Variants in RBFOX1 observed in about 807,000 individuals in gnomAD.
RBFOX1 encodes the protein RNA binding fox-1 homolog 1, also known as RNA binding protein fox-1 homolog 1.
Under a neutral mutation model 57.7 loss-of-function variants are expected in RBFOX1, and 8 were observed. That is an observed-to-expected ratio of 0.14 (90% CI 0.08 to 0.25). The LOEUF (loss-of-function observed/expected upper bound fraction) is 0.25. Ranked by LOEUF, RBFOX1 falls within the 10% of genes least tolerant of loss-of-function variation. The pLI is 1.00. For missense variants in RBFOX1, 611 were observed against 548.5 expected (o/e 1.11, Z -1.14); for synonymous variants, 326 against 222.4 (o/e 1.47, Z -4.15).
At chr16:7,325,494 G>C (rs529609504) in intron 4 of RBFOX1, among the ~76,000 whole-genome samples, 1 of 152,314 alleles carries the variant, frequency 6.6e-6, no homozygotes. Flanking sequence ...CATATGCTTA[G>C]TACATACTTG....
intron 1 of RBFOX1, among the ~76,000 whole-genome samples, chr16:6,183,454 T>C (rs1485458020): frequency 6.6e-6 from 1 of 151,076 alleles, no homozygotes. Flanking sequence ...TGCTCCAGTC[T>C]GGGTGACAGA....
At chr16:5,463,922 G>T (rs913274563) in intron 1 of RBFOX1, among the ~76,000 whole-genome samples, 1 of 152,206 alleles carries the variant, frequency 6.6e-6, no homozygotes, top group African/African-American at 2.4e-5. Context: ...GCCAAATTGT[G>T]TTCAGCAGAA....
At chr16:6,649,728 A>G (rs1387743871) in intron 2 of RBFOX1, among the ~76,000 whole-genome samples, 1 of 152,166 alleles carries the variant, frequency 6.6e-6, no homozygotes, top group African/African-American at 2.4e-5. Flanking sequence ...GTATTCCATT[A>G]TATATGTTGG....
rs773463169 is a variant in RBFOX1, at chr16:5,858,425, A to T, written c.319-8878A>T. On this transcript the variant is annotated intron_variant, in intron 3 of 19. Coordinates refer to the RBFOX1 transcript ENST00000641259. ...ACTGTGACTGCTTTAACCTTCCTTAATAGACCAACTTCAAGGGCAAACCAA... is the reference window on the plus strand; with the variant it reads ...ACTGTGACTGCTTTAACCTTCCTTATTAGACCAACTTCAAGGGCAAACCAA... 5.9e-5 allele frequency among the ~76,000 whole-genome samples: 9 copies of T among 152,246 alleles called. No individual in the cohort carries two copies. The South Asian group carries it at 8.3e-4, about 14-fold the overall frequency.
chr16:7,094,938 G>A (rs2061459989), intron 4 of RBFOX1, among the ~76,000 whole-genome samples: 1 of 151,954 alleles, frequency 6.6e-6, no homozygotes, highest in Non-Finnish European at 1.5e-5. Flanking sequence ...AACAAATATT[G>A]TATCTGTAAA....
chr16:7,485,439 T>G (rs979372486), intron 4 of RBFOX1, among the ~76,000 whole-genome samples: 1 of 152,156 alleles, frequency 6.6e-6, no homozygotes, highest in Admixed American at 6.5e-5. Context: ...GCTCAATAGG[T>G]TTTCCTTGAA....
At chr16:7,456,287 A>T (rs572427179) in intron 4 of RBFOX1, among the ~76,000 whole-genome samples, 1 of 152,306 alleles carries the variant, frequency 6.6e-6, no homozygotes, top group Non-Finnish European at 1.5e-5. Flanking sequence ...ATACAAATAC[A>T]GAAGGTACCT....
At chr16:6,707,879 G>C (rs1199858614) in intron 3 of RBFOX1, among the ~76,000 whole-genome samples, 1 of 152,172 alleles carries the variant, frequency 6.6e-6, no homozygotes, top group African/African-American at 2.4e-5. Context: ...TGTAACTCTT[G>C]GATGTGCTCC....
intron 2 of RBFOX1, among the ~76,000 whole-genome samples, chr16:6,622,815 T>G (rs141427164): frequency 2.0e-5 from 3 of 152,230 alleles, no homozygotes; most frequent in Non-Finnish European, 4.4e-5. Context: ...TGAGAACTCA[T>G]AACACATTGC....
intron 1 of RBFOX1, among the ~76,000 whole-genome samples, chr16:5,417,147 A>C (rs1302837292): frequency 6.6e-6 from 1 of 152,238 alleles, no homozygotes; most frequent in Non-Finnish European, 1.5e-5. Context: ...ATGCCACCTG[A>C]CATTAAGCAG....
chr16:6,192,784 A>G (rs1291094302), intron 1 of RBFOX1, among the ~76,000 whole-genome samples: 1 of 152,220 alleles, frequency 6.6e-6, no homozygotes, highest in Admixed American at 6.5e-5. Context: ...TGAAATGCTT[A>G]GCACAGGTTG....
At chr16:6,494,369 C>T (rs958032806) in intron 2 of RBFOX1, among the ~76,000 whole-genome samples, 36 of 152,166 alleles carry the variant, frequency 2.4e-4, no homozygotes, top group South Asian at 8.3e-4. Context: ...CTATCTCTCG[C>T]GACCACCTGC....
intron 2 of RBFOX1, among the ~76,000 whole-genome samples, chr16:6,393,375 A>C (rs1328662420): frequency 6.6e-6 from 1 of 152,204 alleles, no homozygotes; most frequent in Non-Finnish European, 1.5e-5. Flanking sequence ...CTTCGGATAC[A>C]GGGAAGGACA....
rs71145274 is a variant in RBFOX1 at position 6,679,878 on chromosome 16, G to GTTTTT, written c.-16+25251_-16+25255dup. Among the ~76,000 whole-genome samples, 896 of 114,126 alleles carry GTTTTT rather than the reference G, an allele frequency of 7.9e-3. 26 individuals carry two copies. The highest frequency in any genetic ancestry group is 9.7e-3 in the Non-Finnish European group (573 of 59,102). The allele number at this position is 114,126 out of a possible 152,430, so 74.9% of individuals were successfully genotyped here. A position where few individuals can be genotyped will look rare whatever the true frequency, so the allele number is the denominator to read the frequency against. On this transcript the variant is annotated intron_variant, in intron 3 of 15. Coordinates refer to ENST00000550418, the MANE Select transcript of RBFOX1 (RefSeq NM_018723.4). The stretch of plus-strand genomic sequence containing the variant: ...CTACATAAAGCCATAGTTTCTACTT[G>GTTTTT]TTTTTTTTTTTTTTTTTTTTTTTTT...
chr16:6,602,690 T>C (rs2097868165), intron 2 of RBFOX1, among the ~76,000 whole-genome samples: 3 of 152,226 alleles, frequency 2.0e-5, no homozygotes, highest in Admixed American at 6.5e-5. Flanking sequence ...TATGTTCATC[T>C]GTGAACTATG....
At chr16:7,338,490 G>C (rs1254445306) in intron 4 of RBFOX1, among the ~76,000 whole-genome samples, 2 of 152,100 alleles carry the variant, frequency 1.3e-5, no homozygotes, top group Non-Finnish European at 2.9e-5. Context: ...CGAACTCCTG[G>C]TCTCAAGTAA....
intron 1 of RBFOX1, among the ~76,000 whole-genome samples, chr16:6,267,895 T>G (rs1431465439): frequency 3.9e-5 from 6 of 152,184 alleles, no homozygotes; most frequent in Non-Finnish European, 8.8e-5. Flanking sequence ...TATTACCTTT[T>G]TATATTTATC....
intron 1 of RBFOX1, among the ~76,000 whole-genome samples, chr16:6,286,703 C>T (rs966222422): frequency 6.6e-6 from 1 of 152,156 alleles, no homozygotes; most frequent in South Asian, 2.1e-4. Flanking sequence ...GGAGAATGAT[C>T]CAACATTGCT....
At chr16:6,972,393 G>A (rs2085775897) in intron 3 of RBFOX1, among the ~76,000 whole-genome samples, 1 of 151,944 alleles carries the variant, frequency 6.6e-6, no homozygotes, top group African/African-American at 2.4e-5. Context: ...AATGTCCTCA[G>A]GGTTCATCCA....
Sources: gnomAD v4.1 joint callset for allele counts (sites outside exome capture counted in the v4.1 genomes callset) on GRCh38, gnomAD v4.1.1 for gene constraint, MANE v1.5 for transcripts, NCBI Gene and HGNC (gene_info 2026-07-23, HGNC 2026-07-21) for gene names.